SSBP3: variants seen among roughly 807,000 people sequenced by gnomAD.
SSBP3 encodes single-stranded DNA-binding protein 3.
A neutral mutation model predicts 69.6 loss-of-function variants in SSBP3; 5 were observed. That is an observed-to-expected ratio of 0.07 (90% CI 0.04 to 0.15). The LOEUF (loss-of-function observed/expected upper bound fraction) is 0.15. Among genes scored for constraint, SSBP3 ranks in the 10% least tolerant of loss-of-function variants. The pLI is 1.00. For synonymous variants in SSBP3, 196 were observed against 193.4 expected, an observed-to-expected ratio of 1.01 and a Z score of -0.11; for missense variants, 312 against 534.0, an observed-to-expected ratio of 0.58 and a Z score of 4.10.
At chr1:54,402,895 G>A (rs894884764) in intron 3 of SSBP3, among the ~76,000 whole-genome samples, 6 of 152,202 alleles carry the variant, frequency 3.9e-5, no homozygotes, top group African/African-American at 1.4e-4. Flanking sequence ...CCGAGGCCCA[G>A]GGACAGAACA....
chr1:54,294,581 T>C (rs1380416633), intron 4 of SSBP3, among the ~76,000 whole-genome samples: 7 of 152,186 alleles, frequency 4.6e-5, no homozygotes, highest in Admixed American at 2.0e-4. Flanking sequence ...GGCCCTGTTC[T>C]CATTCCCACA....
intron 4 of SSBP3, among the ~76,000 whole-genome samples, chr1:54,289,991 C>T (rs565645855): frequency 2.0e-5 from 3 of 152,288 alleles, no homozygotes; most frequent in East Asian, 1.9e-4. Flanking sequence ...CAACAATCCA[C>T]AGTCACTACC....
chr1:54,405,919 G>A (rs1557599810), intron 1 of SSBP3, 34 bp downstream of exon 1: 2 of 1,165,564 alleles, frequency 1.7e-6, no homozygotes, highest in Non-Finnish European at 1.1e-6. Flanking sequence ...CAGCCCGGCG[G>A]CGGCGCGGCC....
At chr1:54,236,757 G>A (rs1442004235) in intron 14 of SSBP3, 1 of 152,158 alleles carries the variant, frequency 6.6e-6, no homozygotes, top group Non-Finnish European at 1.5e-5. Flanking sequence ...GCATTCTCCT[G>A]TCTATAAAGT....
chr1:54,363,542 C>T (rs1646982780), intron 4 of SSBP3, among the ~76,000 whole-genome samples: 1 of 152,168 alleles, frequency 6.6e-6, no homozygotes, highest in Admixed American at 6.5e-5. Context: ...CTTACTCTCA[C>T]ACCAACCACA....
chr1:54,273,126 GTTGGGTGCTTTGTTA>G (rs1255733850), intron 5 of SSBP3, among the ~76,000 whole-genome samples: 1 of 152,272 alleles, frequency 6.6e-6, no homozygotes, highest in Non-Finnish European at 1.5e-5. Flanking sequence ...CCAAGCAGCT[GTTGGGTGCTTTGTTA>G]CCGAGCAAAT....
chr1:54,235,514 G>A lies in SSBP3; in HGVS notation c.927+3615C>T, dbSNP rs549504845. ...TCTGTCACCCAGGCTGGAGCGCAGC[G>A]TTGCAATCTCAGCTCACTGCAACCT... On this transcript the variant is annotated intron_variant, in intron 14 of 17. Coordinates refer to ENST00000610401, the Ensembl canonical transcript of SSBP3. Among the ~76,000 whole-genome samples, 417 of 141,486 alleles carry A rather than the reference G, an allele frequency of 2.9e-3. 2 individuals are homozygous for A. The highest frequency in any genetic ancestry group is 0.01 in the African/African-American group (389 of 37,198). 92.8% of individuals were successfully genotyped at this position (141,486 alleles called of 152,430 possible).
intron 4 of SSBP3, among the ~76,000 whole-genome samples, chr1:54,330,783 C>A (rs770751526): frequency 2.0e-5 from 3 of 152,188 alleles, no homozygotes; most frequent in Non-Finnish European, 2.9e-5. Context: ...ATCCCACCCA[C>A]GTCAAAACCA....
At chr1:54,238,436 A>G (rs1644539597) in intron 14 of SSBP3, 1 of 405,612 alleles carries the variant, frequency 2.5e-6, no homozygotes, top group African/African-American at 2.1e-5. Context: ...GGAAGGAACT[A>G]GAATGGAAGG....
At chr1:54,369,817 G>A (rs557830718) in intron 4 of SSBP3, among the ~76,000 whole-genome samples, 31 of 137,764 alleles carry the variant, frequency 2.3e-4, no homozygotes, top group Admixed American at 5.4e-4. Context: ...CCCTTTGGTT[G>A]AGATGGGATT....
chr1:54,394,301 C>T (rs182352756), intron 4 of SSBP3, among the ~76,000 whole-genome samples: 45 of 152,330 alleles, frequency 3.0e-4, no homozygotes, highest in Admixed American at 3.9e-4. Flanking sequence ...AGTTCCATCA[C>T]CTGCAATCCT....
At chr1:54,347,464 G>GTGCTGGGATTACAGGCATTAGTCAC (rs1348372402) in intron 4 of SSBP3, among the ~76,000 whole-genome samples, 67 of 151,648 alleles carry the variant, frequency 4.4e-4, no homozygotes, top group Non-Finnish European at 9.1e-4. Context: ...GCCTCCCACA[G>GTGCTGGGATTACAGGCATTAGTCAC]TGCTGGGATT....
At chr1:54,306,287 G>C (rs766420970) in intron 4 of SSBP3, among the ~76,000 whole-genome samples, 1 of 152,184 alleles carries the variant, frequency 6.6e-6, no homozygotes, top group Non-Finnish European at 1.5e-5. Flanking sequence ...CGCACAGCTT[G>C]GTGTGATAAG....
At chr1:54,302,205 T>G (rs1204122514) in intron 4 of SSBP3, among the ~76,000 whole-genome samples, 2 of 152,222 alleles carry the variant, frequency 1.3e-5, no homozygotes, top group African/African-American at 4.8e-5. Context: ...ACAACCTCTC[T>G]TCCTCACTGT....
At chr1:54,368,100 G>A (rs184984234) in intron 4 of SSBP3, among the ~76,000 whole-genome samples, 216 of 151,992 alleles carry the variant, frequency 1.4e-3, no homozygotes, top group African/African-American at 5.1e-3. Context: ...TCAGGAGTTC[G>A]AGACCAGCCT....
intron 4 of SSBP3, among the ~76,000 whole-genome samples, chr1:54,382,686 T>C (rs1178038154): frequency 1.3e-5 from 2 of 152,100 alleles, no homozygotes; most frequent in African/African-American, 2.4e-5. Flanking sequence ...ATGGCAGGCT[T>C]AGAAATAAAG....
chr1:54,325,192 C>T (rs1043460884), intron 4 of SSBP3, among the ~76,000 whole-genome samples: 14 of 152,198 alleles, frequency 9.2e-5, no homozygotes, highest in Admixed American at 3.9e-4. Flanking sequence ...CAGCACGAGT[C>T]ACTCCAGCAC....
At chr1:54,263,782 G>A (rs1487484501) in intron 5 of SSBP3, among the ~76,000 whole-genome samples, 4 of 152,226 alleles carry the variant, frequency 2.6e-5, no homozygotes, top group Non-Finnish European at 5.9e-5. Context: ...CCCAAACAGA[G>A]CAGCAGGGCT....
At chr1:54,313,458 T>C (rs1416770459) in intron 4 of SSBP3, among the ~76,000 whole-genome samples, 8 of 148,866 alleles carry the variant, frequency 5.4e-5, no homozygotes, top group Non-Finnish European at 7.4e-5. Context: ...TTTTTTTTTT[T>C]TTTCTTTTTA....
Sources: gnomAD v4.1 joint callset for allele counts (sites outside exome capture counted in the v4.1 genomes callset) on GRCh38, gnomAD v4.1.1 for gene constraint, MANE v1.5 for transcripts, NCBI Gene and HGNC (gene_info 2026-07-23, HGNC 2026-07-21) for gene names.